CLVS1: variants seen among roughly 807,000 people sequenced by gnomAD.
CLVS1 encodes clavesin 1, also known as clavesin-1.
Under a neutral mutation model 33.1 loss-of-function variants are expected in CLVS1, and 10 were observed. The observed-to-expected ratio is 0.30, with a 90% CI of 0.19 to 0.51. CLVS1 has a LOEUF of 0.51. CLVS1 is among the 20% of genes least tolerant of loss of function. The pLI, the probability that CLVS1 is intolerant of heterozygous loss-of-function variation, is 0.97. For missense variants in CLVS1, 343 were observed against 433.4 expected, an observed-to-expected ratio of 0.79 and a Z score of 1.85; for synonymous variants, 163 against 166.1, an observed-to-expected ratio of 0.98 and a Z score of 0.14.
At chr8:61,329,273 A>G (rs1007935677) in intron 2 of CLVS1, among the ~76,000 whole-genome samples, 8 of 151,652 alleles carry the variant, frequency 5.3e-5, no homozygotes, top group African/African-American at 1.5e-4. Flanking sequence ...GCCTAACTGT[A>G]TCTTCTAGCA....
intron 2 of CLVS1, among the ~76,000 whole-genome samples, chr8:61,221,201 C>T (rs1034259823): frequency 6.6e-6 from 1 of 152,274 alleles, no homozygotes; most frequent in Non-Finnish European, 1.5e-5. Flanking sequence ...GTTGCCCTGG[C>T]CAGCACTTCC....
chr8:61,112,592 T>C (rs1385126626), intron 1 of CLVS1, among the ~76,000 whole-genome samples: 1 of 152,212 alleles, frequency 6.6e-6, no homozygotes, highest in Non-Finnish European at 1.5e-5. Context: ...GGATATGTAT[T>C]TTTATAAGAG....
At chr8:61,059,475 C>CATACATACATATATATATATATAT (rs59538219) in intron 1 of CLVS1, among the ~76,000 whole-genome samples, 10 of 50,204 alleles carry the variant, frequency 2.0e-4, no homozygotes, top group African/African-American at 4.8e-4. Context: ...TACATACATA[C>CATACATACATATATATATATATAT]ATATATATAT....
chr8:61,042,550 A>C, the CLVS1 span, among the ~76,000 whole-genome samples: 3 of 100,702 alleles, frequency 3.0e-5, no homozygotes, highest in Non-Finnish European at 5.5e-5. Context: ...GTTAGTAGAC[A>C]GTGTCTTTTC....
chr8:61,086,903 C>G (rs1179135008), intron 1 of CLVS1, among the ~76,000 whole-genome samples: 1 of 152,166 alleles, frequency 6.6e-6, no homozygotes, highest in Non-Finnish European at 1.5e-5. Context: ...AGGTAATATT[C>G]TCCCCATTTC....
intron 2 of CLVS1, among the ~76,000 whole-genome samples, chr8:61,239,827 T>G (rs1452350184): frequency 6.6e-6 from 1 of 152,334 alleles, no homozygotes; most frequent in Non-Finnish European, 1.5e-5. Flanking sequence ...GCAATATGTA[T>G]TTTTTAACAT....
At chr8:61,041,071 A>G in the CLVS1 span, among the ~76,000 whole-genome samples, 71 of 152,196 alleles carry the variant, frequency 4.7e-4, no homozygotes, top group Non-Finnish European at 7.5e-4. Context: ...CTATCTCAGC[A>G]CTATTTATTG....
At chr8:61,493,933 G>A (rs1323614176) in intron 5 of CLVS1, among the ~76,000 whole-genome samples, 1 of 152,162 alleles carries the variant, frequency 6.6e-6, no homozygotes, top group East Asian at 1.9e-4. Context: ...AATGCCTGGG[G>A]TTGGAGAGCA....
At chr8:61,310,762 A>G (rs1810803561) in intron 2 of CLVS1, among the ~76,000 whole-genome samples, 1 of 152,196 alleles carries the variant, frequency 6.6e-6, no homozygotes, top group African/African-American at 2.4e-5. Context: ...AGGACACTGG[A>G]TATTGCTTGA....
intron 1 of CLVS1, among the ~76,000 whole-genome samples, chr8:61,069,468 G>A (rs914603128): frequency 6.6e-6 from 1 of 150,924 alleles, no homozygotes; most frequent in African/African-American, 2.4e-5. Context: ...TAAATTATTT[G>A]CATACTTGAG....
intron 2 of CLVS1, among the ~76,000 whole-genome samples, chr8:61,167,468 C>T (rs1044680223): frequency 2.0e-5 from 3 of 152,118 alleles, no homozygotes; most frequent in Non-Finnish European, 2.9e-5. Context: ...AGGTGTGAGC[C>T]ACCGTGCCCG....
intron 2 of CLVS1, among the ~76,000 whole-genome samples, chr8:61,260,329 G>A (rs1198892854): frequency 6.6e-6 from 1 of 152,190 alleles, no homozygotes; most frequent in African/African-American, 2.4e-5. Context: ...ACATCTGAAA[G>A]TGCAGGGACA....
At chr8:61,262,905 A>T (rs1024613213) in intron 2 of CLVS1, among the ~76,000 whole-genome samples, 2 of 152,190 alleles carry the variant, frequency 1.3e-5, no homozygotes, top group Admixed American at 6.5e-5. Flanking sequence ...TCTGCTCCTG[A>T]TGTAGACACT....
At chr8:61,409,190 A>G (rs1815119091) in intron 3 of CLVS1, among the ~76,000 whole-genome samples, 1 of 152,244 alleles carries the variant, frequency 6.6e-6, no homozygotes, top group Non-Finnish European at 1.5e-5. Flanking sequence ...TAATCCATTC[A>G]CAAGGCATAT....
intron 2 of CLVS1, among the ~76,000 whole-genome samples, chr8:61,335,570 C>T (rs1214038998): frequency 6.6e-6 from 1 of 152,198 alleles, no homozygotes; most frequent in Non-Finnish European, 1.5e-5. Context: ...ACAGCCTTTT[C>T]TGATGAGAGA....
At chr8:61,169,343 C>A (rs1033748458) in intron 2 of CLVS1, among the ~76,000 whole-genome samples, 36 of 152,124 alleles carry the variant, frequency 2.4e-4, no homozygotes, top group African/African-American at 8.4e-4. Context: ...GAGGCTCTTT[C>A]TAAAAGTTCC....
intron 2 of CLVS1, among the ~76,000 whole-genome samples, chr8:61,278,715 C>CT (rs1233035192): frequency 2.0e-5 from 3 of 152,218 alleles, no homozygotes; most frequent in Non-Finnish European, 4.4e-5. Context: ...AAGGTAACTT[C>CT]TTTCCTCCAA....
At chr8:61,302,438 T>A (rs3843017) in intron 2 of CLVS1, among the ~76,000 whole-genome samples, 40,622 of 152,030 alleles carry the variant, frequency 0.27, 7,844 homozygotes, top group East Asian at 0.84. Flanking sequence ...CCAGAGCTTG[T>A]CTTAGGGCAC....
intron 2 of CLVS1, among the ~76,000 whole-genome samples, chr8:61,158,572 A>G (rs1806692932): frequency 6.6e-6 from 1 of 152,142 alleles, no homozygotes; most frequent in African/African-American, 2.4e-5. Flanking sequence ...GCAGTGCATA[A>G]TGAGGGGGCT....
Sources: allele counts gnomAD v4.1 joint callset (sites outside exome capture counted in the v4.1 genomes callset), GRCh38; gene constraint gnomAD v4.1.1; transcripts MANE v1.5; gene names NCBI Gene and HGNC (gene_info 2026-07-23, HGNC 2026-07-21).